The following SPAG16 variants were observed in gnomAD, a reference collection of about 807,000 sequenced individuals.
The protein encoded by SPAG16 is sperm associated antigen 16.
A neutral mutation model predicts 80.4 loss-of-function variants in SPAG16; 86 were observed. The observed-to-expected ratio is 1.07, with a 90% CI of 0.90 to 1.28. SPAG16 has a LOEUF of 1.28. Among genes scored for constraint, SPAG16 ranks in the 50% most tolerant of loss-of-function variants. The probability of loss-of-function intolerance (pLI) is 0.00; values close to 1 mark genes in which losing one functional copy is unlikely to be tolerated. For synonymous variants in SPAG16, 294 were observed against 265.9 expected, an observed-to-expected ratio of 1.11 and a Z score of -1.03; for missense variants, 870 against 765.3, an observed-to-expected ratio of 1.14 and a Z score of -1.61.
intron 3 of SPAG16, among the ~76,000 whole-genome samples, chr2:213,304,241 G>A (rs1321799422): frequency 6.6e-6 from 1 of 151,846 alleles, no homozygotes; most frequent in East Asian, 1.9e-4. Context: ...TTTTTCTTTA[G>A]AGTTGTTTGA....
intron 10 of SPAG16, among the ~76,000 whole-genome samples, chr2:213,723,598 T>C (rs539449462): frequency 2.6e-5 from 4 of 152,272 alleles, no homozygotes; most frequent in African/African-American, 9.6e-5. Flanking sequence ...AAGAGAGTGG[T>C]TGGGGACATC....
intron 10 of SPAG16, among the ~76,000 whole-genome samples, chr2:213,662,268 G>A (rs1387888550): frequency 2.0e-5 from 3 of 152,114 alleles, no homozygotes; most frequent in Admixed American, 6.6e-5. Flanking sequence ...ATTTGTAGGA[G>A]GTGGGAGGGG....
At chr2:213,435,348 A>T (rs2125503445) in intron 9 of SPAG16, among the ~76,000 whole-genome samples, 1 of 152,358 alleles carries the variant, frequency 6.6e-6, no homozygotes, top group Admixed American at 6.5e-5. Flanking sequence ...GCACACGTAC[A>T]TAGTGTGGAA....
chr2:214,285,271 T>A (rs77669679), intron 15 of SPAG16, among the ~76,000 whole-genome samples: 5 of 152,184 alleles, frequency 3.3e-5, no homozygotes, highest in Non-Finnish European at 5.9e-5. Flanking sequence ...TTTGCCTTCC[T>A]TGGAAAAGTA....
chr2:213,757,820 TCTGATTG>T (rs776799398), intron 10 of SPAG16, among the ~76,000 whole-genome samples: 1 of 152,024 alleles, frequency 6.6e-6, no homozygotes, highest in African/African-American at 2.4e-5. Context: ...CAATCTTTGC[TCTGATTG>T]CTGATTGCTG....
Position 214,218,931 on chromosome 2 carries a change from G to A in SPAG16, c.1720+69665G>A, listed in dbSNP as rs181417933. 4.1e-3 allele frequency among the ~76,000 whole-genome samples: 629 copies of A among 152,236 alleles called. 4 individuals carry two copies. In the Middle Eastern group the frequency reaches 0.051, roughly 12 times the overall value. On this transcript the variant is annotated intron_variant, in intron 15 of 15. Coordinates refer to ENST00000331683, the MANE Select transcript of SPAG16 (RefSeq NM_024532.5). ...ATTAAAATTATTGTTGAAAGGCTTGGGTTTTGAAGGGGTTTTGTTGTTTTG... is the reference window on the plus strand; with the variant it reads ...ATTAAAATTATTGTTGAAAGGCTTGAGTTTTGAAGGGGTTTTGTTGTTTTG...
In SPAG16 at chr2:213,826,953, C is replaced by T. The variant is rs577566809; in HGVS notation, c.1071-35532C>T. Among the ~76,000 whole-genome samples the T allele has an allele frequency of 2.0e-5, 3 of 151,816 alleles. No individual in the cohort carries two copies. In the East Asian group the frequency reaches 5.8e-4, roughly 29 times the overall value. ...ATATATATCATCATACTGAATTGAT[C>T]CCTTTATCATTATATGATGACTTTC... On this transcript the variant is annotated intron_variant, in intron 10 of 15. Coordinates refer to ENST00000331683, the MANE Select transcript of SPAG16 (RefSeq NM_024532.5).
chr2:213,336,937 G>C (rs1043416178), intron 5 of SPAG16, among the ~76,000 whole-genome samples: 2 of 152,172 alleles, frequency 1.3e-5, no homozygotes, highest in African/African-American at 4.8e-5. Flanking sequence ...CTCCCAACAG[G>C]AGTCCACAGA....
chr2:214,020,244 T>G (rs766693315), intron 13 of SPAG16, among the ~76,000 whole-genome samples: 4 of 152,186 alleles, frequency 2.6e-5, no homozygotes, highest in Non-Finnish European at 4.4e-5. Flanking sequence ...CATGCCTCTA[T>G]TAATCTACTT....
chr2:213,353,661 A>G (rs1208536145), intron 7 of SPAG16, among the ~76,000 whole-genome samples: 2 of 152,034 alleles, frequency 1.3e-5, no homozygotes, highest in African/African-American at 4.8e-5. Context: ...CTCATGTCTG[A>G]CCTGTTGTTA....
chr2:213,324,679 T>C (rs545957019), intron 5 of SPAG16, among the ~76,000 whole-genome samples: 29 of 152,312 alleles, frequency 1.9e-4, no homozygotes, highest in African/African-American at 6.7e-4. Flanking sequence ...AACAGTTGGT[T>C]ATTAAAGATA....
intron 12 of SPAG16, among the ~76,000 whole-genome samples, chr2:213,944,163 T>C (rs1225735267): frequency 6.6e-6 from 1 of 152,190 alleles, no homozygotes; most frequent in African/African-American, 2.4e-5. Flanking sequence ...TGGGGTAATA[T>C]TCTTGGTTCC....
intron 13 of SPAG16, among the ~76,000 whole-genome samples, chr2:214,061,899 T>C (rs2050273985): frequency 6.6e-6 from 1 of 151,306 alleles, no homozygotes; most frequent in South Asian, 2.1e-4. Flanking sequence ...AAAAATAATT[T>C]AACACCCAAC....
intron 10 of SPAG16, among the ~76,000 whole-genome samples, chr2:213,712,835 A>G (rs1180383398): frequency 1.3e-5 from 2 of 152,202 alleles, no homozygotes; most frequent in African/African-American, 4.8e-5. Flanking sequence ...GTAAGAAGAT[A>G]GACAGCTTCC....
chr2:214,294,042 C>A (rs978023145), intron 15 of SPAG16, among the ~76,000 whole-genome samples: 11 of 152,222 alleles, frequency 7.2e-5, no homozygotes, highest in Admixed American at 7.2e-4. Context: ...GCAGTAGCAC[C>A]ATCAGCTCCA....
intron 15 of SPAG16, among the ~76,000 whole-genome samples, chr2:214,191,272 G>C (rs2057653959): frequency 6.6e-6 from 1 of 152,104 alleles, no homozygotes; most frequent in East Asian, 1.9e-4. Context: ...AACTCTCTTT[G>C]GTTCCCTTGC....
At chr2:214,187,174 C>A (rs978513912) in intron 15 of SPAG16, among the ~76,000 whole-genome samples, 6 of 152,004 alleles carry the variant, frequency 3.9e-5, no homozygotes, top group African/African-American at 1.5e-4. Flanking sequence ...AATAGTTATA[C>A]GTTAAGTGTA....
intron 10 of SPAG16, among the ~76,000 whole-genome samples, chr2:213,553,944 G>A (rs2059341348): frequency 6.6e-6 from 1 of 152,074 alleles, no homozygotes; most frequent in Non-Finnish European, 1.5e-5. Flanking sequence ...TGGCAGTGGG[G>A]GAGTCAGTGC....
At chr2:214,152,479 T>A (rs557335856) in intron 15 of SPAG16, among the ~76,000 whole-genome samples, 34 of 152,246 alleles carry the variant, frequency 2.2e-4, no homozygotes, top group African/African-American at 7.9e-4. Flanking sequence ...TAACGTGGAC[T>A]CAAAGGGATA....
Sources: gnomAD v4.1 joint callset for allele counts (sites outside exome capture counted in the v4.1 genomes callset) on GRCh38, gnomAD v4.1.1 for gene constraint, MANE v1.5 for transcripts, NCBI Gene and HGNC (gene_info 2026-07-23, HGNC 2026-07-21) for gene names.